Variants in CNTNAP2 observed in about 807,000 individuals in gnomAD.
CNTNAP2 encodes contactin associated protein 2.
CNTNAP2 carries 98 observed loss-of-function variants against 155.2 expected under a neutral mutation model. The ratio of observed to expected loss-of-function variants is 0.63; its 90% CI spans 0.54 to 0.75. CNTNAP2 has a LOEUF of 0.75. Ranked by LOEUF, CNTNAP2 falls within the 30% of genes least tolerant of loss-of-function variation. CNTNAP2 has a pLI of 0.00. For synonymous variants in CNTNAP2, 651 were observed against 631.2 expected, an observed-to-expected ratio of 1.03 and a Z score of -0.47; for missense variants, 1,727 against 1,688.1, an observed-to-expected ratio of 1.02 and a Z score of -0.40.
chr7:147,451,066 A>G (rs561159301), intron 10 of CNTNAP2, among the ~76,000 whole-genome samples: 1 of 152,250 alleles, frequency 6.6e-6, no homozygotes, highest in African/African-American at 2.4e-5. Flanking sequence ...GGAATATCTC[A>G]TTTCTTCCAC....
chr7:146,257,818 AT>A (rs1197383496), intron 1 of CNTNAP2, among the ~76,000 whole-genome samples: 1 of 152,194 alleles, frequency 6.6e-6, no homozygotes, highest in Non-Finnish European at 1.5e-5. Flanking sequence ...ACAAGAGGAA[AT>A]GGACAAATAT....
chr7:146,249,607 A>G (rs962560970), intron 1 of CNTNAP2, among the ~76,000 whole-genome samples: 2 of 151,970 alleles, frequency 1.3e-5, no homozygotes, highest in Non-Finnish European at 2.9e-5. Context: ...CTTGAATATT[A>G]TTTTCTTTAT....
intron 11 of CNTNAP2, among the ~76,000 whole-genome samples, chr7:147,506,403 G>A (rs1798907318): frequency 6.6e-6 from 1 of 152,068 alleles, no homozygotes; most frequent in Non-Finnish European, 1.5e-5. Flanking sequence ...TTACAGGCAT[G>A]CACCACCATG....
chr7:146,915,350 A>G (rs1796372273), intron 3 of CNTNAP2, among the ~76,000 whole-genome samples: 1 of 152,142 alleles, frequency 6.6e-6, no homozygotes, highest in Admixed American at 6.6e-5. Flanking sequence ...TTTCTGAGGA[A>G]TAATGGTGGT....
intron 1 of CNTNAP2, among the ~76,000 whole-genome samples, chr7:146,646,908 G>A (rs2129162740): frequency 6.6e-6 from 1 of 152,254 alleles, no homozygotes; most frequent in South Asian, 2.1e-4. Flanking sequence ...TGGAATCCAA[G>A]CCAGTTTGAC....
At position 146,118,897 on chromosome 7, in the gene CNTNAP2, C is replaced by T. The variant is rs181157188; in HGVS notation, c.97+1924C>T. On this transcript the variant is annotated intron_variant, in intron 1 of 23. Coordinates refer to ENST00000361727, the MANE Select transcript of CNTNAP2 (RefSeq NM_014141.6). ...GCTTAATTAAGGTGGCTTTTTATTT[C>T]GTTTGAATTTAAACTGTGTGACCAA... Among the ~76,000 whole-genome samples the T allele has an allele frequency of 2.0e-3, 307 of 151,962 alleles. 3 individuals are homozygous for T. Among genetic ancestry groups the T allele is most frequent in the Non-Finnish European group, 3.7e-3 (248 of 67,906 alleles).
At chr7:146,386,581 T>G (rs1584900749) in intron 1 of CNTNAP2, among the ~76,000 whole-genome samples, 1 of 152,076 alleles carries the variant, frequency 6.6e-6, no homozygotes, top group Non-Finnish European at 1.5e-5. Context: ...AGAGACGGGG[T>G]TTCACCATGT....
At chr7:147,842,557 C>CTTTTTTTTTTTTT (rs1171642244) in intron 13 of CNTNAP2, among the ~76,000 whole-genome samples, 7 of 87,522 alleles carry the variant, frequency 8.0e-5, no homozygotes, top group African/African-American at 2.5e-4. Context: ...AGTTGCATTT[C>CTTTTTTTTTTTTT]TTTTTTTTTT....
At chr7:147,131,107 T>C (rs903122834) in intron 7 of CNTNAP2, among the ~76,000 whole-genome samples, 2 of 148,794 alleles carry the variant, frequency 1.3e-5, no homozygotes, top group Non-Finnish European at 3.0e-5. Context: ...TACACACACA[T>C]ATATATACCA....
chr7:147,212,891 C>A (rs937917202), intron 8 of CNTNAP2, among the ~76,000 whole-genome samples: 1 of 152,092 alleles, frequency 6.6e-6, no homozygotes, highest in Non-Finnish European at 1.5e-5. Context: ...AATATATTCT[C>A]AAATTCCTGG....
intron 23 of CNTNAP2, among the ~76,000 whole-genome samples, chr7:148,410,093 T>G (rs1304499295): frequency 6.7e-6 from 1 of 148,390 alleles, no homozygotes; most frequent in Non-Finnish European, 1.5e-5. Context: ...ATATAGTAAA[T>G]GTAACCTGGC....
At chr7:147,915,975 T>C (rs931844565) in intron 14 of CNTNAP2, among the ~76,000 whole-genome samples, 27 of 152,178 alleles carry the variant, frequency 1.8e-4, no homozygotes, top group African/African-American at 6.5e-4. Context: ...GTCTAACAGC[T>C]CAACTCTTTT....
intron 21 of CNTNAP2, among the ~76,000 whole-genome samples, chr7:148,354,272 A>G (rs1696492152): frequency 6.9e-6 from 1 of 143,986 alleles, no homozygotes; most frequent in Non-Finnish European, 1.5e-5. Context: ...ATTTTGTAGC[A>G]TATCTTAGTT....
At chr7:147,289,654 T>C (rs1321474312) in intron 8 of CNTNAP2, among the ~76,000 whole-genome samples, 1 of 152,178 alleles carries the variant, frequency 6.6e-6, no homozygotes, top group East Asian at 1.9e-4. Context: ...ATAAGAGTTT[T>C]TGAAGTATAG....
rs1801396588 is a variant in CNTNAP2, at chr7:147,132,471, TCA to T, written c.1315_1316del (p.Gln439AspfsTer16). On this transcript the variant is annotated frameshift_variant, in exon 8 of 24. Coordinates refer to ENST00000361727, the MANE Select transcript of CNTNAP2 (RefSeq NM_014141.6). LOFTEE classifies it high-confidence loss of function. ...AGCAAAGTGGGTGTTCACATCAACA[TCA>T]CACAGACCAAGATGAGCCAAATCGA... is the stretch of plus-strand genomic sequence containing the variant. The T allele has an allele frequency of 2.5e-6, 4 of 1,613,516 alleles. No individual in the cohort carries two copies. The highest frequency in any genetic ancestry group is 2.5e-6 in the Non-Finnish European group (3 of 1,179,724).
At chr7:146,683,633 G>A (rs1272595154) in intron 1 of CNTNAP2, among the ~76,000 whole-genome samples, 1 of 152,248 alleles carries the variant, frequency 6.6e-6, no homozygotes, top group Admixed American at 6.5e-5. Flanking sequence ...TTTATTGTGT[G>A]TTGTGCATTT....
chr7:146,579,212 T>G (rs1798570867), intron 1 of CNTNAP2, among the ~76,000 whole-genome samples: 1 of 152,168 alleles, frequency 6.6e-6, no homozygotes, highest in Non-Finnish European at 1.5e-5. Flanking sequence ...CAATTTTTTT[T>G]GTTGTTGTTA....
intron 1 of CNTNAP2, among the ~76,000 whole-genome samples, chr7:146,716,764 G>A (rs1801195490): frequency 6.6e-6 from 1 of 152,136 alleles, no homozygotes; most frequent in Non-Finnish European, 1.5e-5. Context: ...AGATCAATAT[G>A]TGAGCATGCT....
intron 1 of CNTNAP2, among the ~76,000 whole-genome samples, chr7:146,581,577 C>T (rs1798611221): frequency 6.6e-6 from 1 of 151,194 alleles, no homozygotes; most frequent in Non-Finnish European, 1.5e-5. Flanking sequence ...ATTAATCCAA[C>T]ATAATTTTGT....
Sources: gnomAD v4.1 joint callset for allele counts (sites outside exome capture counted in the v4.1 genomes callset) on GRCh38, gnomAD v4.1.1 for gene constraint, MANE v1.5 for transcripts, NCBI Gene and HGNC (gene_info 2026-07-23, HGNC 2026-07-21) for gene names.